Variants in MYO1D observed in about 807,000 individuals in gnomAD.
MYO1D encodes unconventional myosin-Id.
MYO1D carries 83 observed loss-of-function variants against 122.0 expected under a neutral mutation model. That is an observed-to-expected ratio of 0.68 (90% CI 0.57 to 0.82). The LOEUF is 0.82. MYO1D is among the 40% of genes least tolerant of loss of function. MYO1D has a pLI of 0.00. For missense variants in MYO1D, 1,157 were observed against 1,269.5 expected, an observed-to-expected ratio of 0.91 and a Z score of 1.35; for synonymous variants, 464 against 446.9, an observed-to-expected ratio of 1.04 and a Z score of -0.48.
At chr17:32,740,992 C>T (rs1598055738) in intron 13 of MYO1D, among the ~76,000 whole-genome samples, 2 of 152,144 alleles carry the variant, frequency 1.3e-5, no homozygotes, top group Middle Eastern at 3.4e-3. Context: ...CAGACACAGA[C>T]ACACACATAC....
intron 16 of MYO1D, among the ~76,000 whole-genome samples, chr17:32,687,266 A>C (rs551299281): frequency 6.8e-6 from 1 of 147,070 alleles, no homozygotes; most frequent in African/African-American, 2.5e-5. Context: ...GCGCGATCTC[A>C]GCTCACTGCA....
At position 32,663,873 on chromosome 17, in the gene MYO1D, A is replaced by AT. The variant is rs531173817; in HGVS notation, c.2122-4536dup. Among the ~76,000 whole-genome samples, 14 of 152,158 alleles carry AT rather than the reference A, an allele frequency of 9.2e-5. No homozygotes were observed. In the East Asian group the frequency reaches 9.7e-4, roughly 11 times the overall value. On this transcript the variant is annotated intron_variant, in intron 16 of 21. Coordinates refer to ENST00000318217, the MANE Select transcript of MYO1D (RefSeq NM_015194.3). ...ATTCTTCTCTTTGAAGAACATATCGATTTTTTAAAAGCATCTTCTTTCAAT... is the reference window on the plus strand; with the variant it reads ...ATTCTTCTCTTTGAAGAACATATCGATTTTTTTAAAAGCATCTTCTTTCAAT...
At chr17:32,604,945 T>C in intron 21 of MYO1D, 142 bp downstream of exon 21, 1 of 779,114 alleles carries the variant, frequency 1.3e-6, no homozygotes, top group East Asian at 2.9e-5. Context: ...TTTTACCTTC[T>C]GCGAAACAGA....
At chr17:32,508,687 C>A (rs139136997) in intron 21 of MYO1D, among the ~76,000 whole-genome samples, 1 of 152,118 alleles carries the variant, frequency 6.6e-6, no homozygotes, top group Non-Finnish European at 1.5e-5. Context: ...TACTACAGCA[C>A]GAGGTGAATT....
At chr17:32,572,944 C>A (rs2087244783) in intron 21 of MYO1D, among the ~76,000 whole-genome samples, 1 of 152,200 alleles carries the variant, frequency 6.6e-6, no homozygotes, top group East Asian at 1.9e-4. Flanking sequence ...TCACAGCACT[C>A]CAGACATTAT....
intron 21 of MYO1D, among the ~76,000 whole-genome samples, chr17:32,593,555 G>T (rs1419024111): frequency 6.6e-6 from 1 of 152,190 alleles, no homozygotes; most frequent in East Asian, 1.9e-4. Flanking sequence ...CTTTGTAAGA[G>T]AATCTCATTC....
chr17:32,555,152 G>A (rs559253731), intron 21 of MYO1D, among the ~76,000 whole-genome samples: 1 of 152,108 alleles, frequency 6.6e-6, no homozygotes, highest in East Asian at 1.9e-4. Context: ...TCAATCGCAG[G>A]GCTTGTCGAA....
intron 14 of MYO1D, among the ~76,000 whole-genome samples, chr17:32,733,626 T>C (rs1019332569): frequency 2.0e-5 from 3 of 152,176 alleles, no homozygotes; most frequent in African/African-American, 7.2e-5. Context: ...TTAGATACCC[T>C]ACTTTGGGCA....
In MYO1D at chr17:32,493,428, G is replaced by A. The variant is rs1429739325; in HGVS notation, c.*1331C>T. ...AAGGCAGGAGAAGTGTCTGTGGCAG[G>A]ACGGGAAGAAGCTTCAGTACATCCC... On this transcript the variant is annotated 3_prime_UTR_variant, in exon 22 of 22. Coordinates refer to ENST00000318217, the MANE Select transcript of MYO1D (RefSeq NM_015194.3). The A allele has an allele frequency of 6.6e-6, 1 of 152,322 alleles. No individual in the cohort carries two copies. The highest frequency in any genetic ancestry group is 1.5e-5 in the Non-Finnish European group (1 of 68,160). The allele number at this position is 152,322 out of a possible 1,614,324, so 9.4% of individuals were successfully genotyped here.
intron 1 of MYO1D, among the ~76,000 whole-genome samples, chr17:32,816,286 C>G (rs947346480): frequency 2.0e-5 from 3 of 152,102 alleles, no homozygotes; most frequent in African/African-American, 7.2e-5. Flanking sequence ...GAAGAGGTCA[C>G]AGTGCTAACA....
chr17:32,739,914 GC>G (rs919750214), intron 13 of MYO1D, among the ~76,000 whole-genome samples: 3 of 152,144 alleles, frequency 2.0e-5, no homozygotes, highest in African/African-American at 7.2e-5. Flanking sequence ...AACACTCCCA[GC>G]CCCCACCATC....
At chr17:32,684,946 T>G (rs972148167) in intron 16 of MYO1D, among the ~76,000 whole-genome samples, 9 of 152,246 alleles carry the variant, frequency 5.9e-5, no homozygotes, top group Admixed American at 3.9e-4. Context: ...GTGGATGTTC[T>G]AAATTAAGTT....
chr17:32,603,746 C>T (rs1020998837), intron 21 of MYO1D, among the ~76,000 whole-genome samples: 6 of 151,932 alleles, frequency 3.9e-5, no homozygotes, highest in African/African-American at 9.7e-5. Flanking sequence ...AGGATGGTCT[C>T]GATCTGCTGA....
At chr17:32,806,416 T>A (rs1280598684) in intron 1 of MYO1D, among the ~76,000 whole-genome samples, 1 of 152,216 alleles carries the variant, frequency 6.6e-6, no homozygotes, top group Non-Finnish European at 1.5e-5. Context: ...GTAGAAATAG[T>A]CATTAATCTG....
At chr17:32,500,259 C>G (rs987243777) in intron 21 of MYO1D, among the ~76,000 whole-genome samples, 2 of 152,204 alleles carry the variant, frequency 1.3e-5, no homozygotes, top group African/African-American at 4.8e-5. Flanking sequence ...TTCATCTGCT[C>G]ACTTCATCAA....
intron 11 of MYO1D, among the ~76,000 whole-genome samples, chr17:32,752,462 A>G (rs1321432808): frequency 6.6e-6 from 1 of 152,230 alleles, no homozygotes; most frequent in East Asian, 1.9e-4. Context: ...AAAAGAAATA[A>G]CCAACAGAGT....
intron 16 of MYO1D, among the ~76,000 whole-genome samples, chr17:32,710,427 T>G (rs1014051644): frequency 1.3e-5 from 2 of 152,118 alleles, no homozygotes; most frequent in African/African-American, 4.8e-5. Context: ...TATAAAACCA[T>G]GTATGAAGGT....
chr17:32,614,204 C>T (rs2087742433), intron 20 of MYO1D, among the ~76,000 whole-genome samples: 1 of 151,298 alleles, frequency 6.6e-6, no homozygotes, highest in South Asian at 2.1e-4. Flanking sequence ...ACATACACCT[C>T]TAAGGGACTT....
intron 17 of MYO1D, among the ~76,000 whole-genome samples, chr17:32,655,120 T>G (rs2088457485): frequency 6.6e-6 from 1 of 152,258 alleles, no homozygotes; most frequent in Non-Finnish European, 1.5e-5. Context: ...AGATCTTTCC[T>G]AAAACTTGCT....
Sources: allele counts gnomAD v4.1 joint callset (sites outside exome capture counted in the v4.1 genomes callset), GRCh38; gene constraint gnomAD v4.1.1; transcripts MANE v1.5; gene names NCBI Gene and HGNC (gene_info 2026-07-23, HGNC 2026-07-21).